C3orf20: variants seen among roughly 807,000 people sequenced by gnomAD.
C3orf20 encodes the protein uncharacterized protein C3orf20.
C3orf20 carries 76 observed loss-of-function variants against 88.3 expected under a neutral mutation model. The ratio of observed to expected loss-of-function variants is 0.86; its 90% confidence interval spans 0.72 to 1.04. C3orf20 has a LOEUF of 1.04. C3orf20 is among the 50% of genes least tolerant of loss of function. The pLI, the probability that C3orf20 is intolerant of heterozygous loss-of-function variation, is 0.00. For missense variants in C3orf20, 1,056 were observed against 1,123.3 expected, an observed-to-expected ratio of 0.94 and a Z score of 0.86; for synonymous variants, 436 against 437.4, an observed-to-expected ratio of 1.00 and a Z score of 0.04.
At chr3:14,714,210 T>C (rs886611972) in intron 8 of C3orf20, 51 bp downstream of exon 8, 11 of 1,595,308 alleles carry the variant, frequency 6.9e-6, no homozygotes, top group Non-Finnish European at 8.5e-6. Context: ...CTGAGGGTGA[T>C]GGAGGGAGGA....
intron 7 of C3orf20, among the ~76,000 whole-genome samples, chr3:14,712,670 A>G (rs1046121868): frequency 6.6e-6 from 1 of 152,188 alleles, no homozygotes; most frequent in Admixed American, 6.5e-5. Flanking sequence ...ATCATATAGG[A>G]AAAAAAGAAA....
At chr3:14,750,779 TCTCTTTGAATTTATCC>T (rs137936936) in intron 12 of C3orf20, among the ~76,000 whole-genome samples, 1,678 of 152,292 alleles carry the variant, frequency 0.011, 21 homozygotes, top group African/African-American at 0.038. Flanking sequence ...TCAATGTAGA[TCTCTTTGAATTTATCC>T]CACTTTGAAT....
rs1470691478 is a variant in C3orf20, at chr3:14,683,079, C to G, written c.366C>G (p.Thr122=). 6.2e-7 allele frequency: 1 copy of G among 1,612,298 alleles called. No individual in the cohort carries two copies. Among genetic ancestry groups the G allele is most frequent in the Non-Finnish European group, 8.5e-7 (1 of 1,179,158 alleles). The part of the protein sequence containing the change: ...GAAKRSTLSP[T]MARQVRTHQE... ...CCAAGCGCTCCACCCTCTCTCCCACCATGGCCCGTCAGGTGCGCACCCACC... is the reference window on the plus strand; with the variant it reads ...CCAAGCGCTCCACCCTCTCTCCCACGATGGCCCGTCAGGTGCGCACCCACC... Residue 122 remains threonine (T), a synonymous_variant, in exon 3 of 17, where the codon ACC becomes ACG. Coordinates refer to ENST00000253697, the MANE Select transcript of C3orf20 (RefSeq NM_032137.5).
At position 14,721,784 on chromosome 3, in the gene C3orf20, G is replaced by A; in HGVS notation, c.1566G>A (p.Arg522=). 1 of 1,614,088 alleles carries A rather than the reference G, an allele frequency of 6.2e-7. No homozygotes were observed. The part of the protein sequence containing the change: ...NCPHGMAYDK[R]LNRRISNMDD... ...CCCATGGAATGGCATATGACAAACG[G>A]GTAAGGCAAGGCAGACTATGCACCC... Residue 522 remains arginine (R), a splice_region_variant and synonymous_variant, in exon 10 of 17, where the codon CGG becomes CGA. Transcript: ENST00000253697.
intron 12 of C3orf20, among the ~76,000 whole-genome samples, chr3:14,755,756 G>A (rs977048984): frequency 1.3e-5 from 2 of 152,124 alleles, no homozygotes; most frequent in Non-Finnish European, 2.9e-5. Flanking sequence ...TGGGCTGGGC[G>A]CGGCGGCTCA....
intron 11 of C3orf20, 26 bp from the exon 12 acceptor site, chr3:14,728,413 A>C: frequency 6.2e-7 from 1 of 1,612,330 alleles, no homozygotes; most frequent in Non-Finnish European, 8.5e-7. Flanking sequence ...TGAAGGGAAA[A>C]TGACAGCAGC....
chr3:14,770,966 G>A (rs1348741414), intron 15 of C3orf20, among the ~76,000 whole-genome samples: 1 of 152,210 alleles, frequency 6.6e-6, no homozygotes, highest in Non-Finnish European at 1.5e-5. Flanking sequence ...GTAAGGAATA[G>A]CCACGTTTGT....
At position 14,772,176 on chromosome 3, in the gene C3orf20, A is replaced by T; in HGVS notation, c.2605A>T (p.Lys869Ter). ...ATTGGCCCTGGAAGACTATGTGGAG[A>T]AGGAGTTATCTCTGGAGGCTGAGAA... ...SSLALEDYVE[K>*]ELSLEAEKTR... The change falls in exon 16 of 17, where the codon AAG becomes TAG. Residue 869 changes from lysine to a stop codon, truncating the protein, a stop_gained. Transcript: ENST00000253697. LOFTEE classifies it low-confidence loss of function (END_TRUNC). The surrounding 1 kb of genome is among the most constrained non-coding windows in gnomAD (Gnocchi z 4.2). 1 of 1,614,220 alleles carries T rather than the reference A, an allele frequency of 6.2e-7. No individual in the cohort carries two copies. The highest frequency in any genetic ancestry group is 8.5e-7 in the Non-Finnish European group (1 of 1,180,028).
At position 14,772,132 on chromosome 3, in the gene C3orf20, T is replaced by C; in HGVS notation, c.2561T>C (p.Ile854Thr). The C allele has an allele frequency of 1.2e-6, 2 of 1,614,182 alleles. No individual in the cohort carries two copies. The highest frequency in any genetic ancestry group is 2.2e-5 in the South Asian group (2 of 91,084). ...GTCAAGAAAGCCGAGTCAGAAGATA[T>C]CCAAGGAAGCAGCTCCTCATTGGCC... Reference protein sequence around the residue: ...ESVKKAESEDIQGSSSSLALE... With the variant: ...ESVKKAESEDTQGSSSSLALE... Residue 854 changes from isoleucine (I) to threonine (T), a missense_variant, in exon 16 of 17, where the codon ATC (isoleucine) becomes ACC (threonine). Ile to Thr is a moderately conservative substitution (Grantham distance 89, BLOSUM62 -1). Coordinates refer to ENST00000253697, the MANE Select transcript of C3orf20 (RefSeq NM_032137.5). The surrounding 1 kb of genome is among the most constrained non-coding windows in gnomAD (Gnocchi z 4.2).
intron 8 of C3orf20, among the ~76,000 whole-genome samples, chr3:14,714,736 C>T (rs2033879691): frequency 6.6e-6 from 1 of 152,158 alleles, no homozygotes; most frequent in South Asian, 2.1e-4. Context: ...CCTGGGTTAG[C>T]TGGGACTACA....
chr3:14,758,004 G>A (rs1199865608), intron 13 of C3orf20, among the ~76,000 whole-genome samples: 3 of 152,174 alleles, frequency 2.0e-5, no homozygotes, highest in African/African-American at 7.2e-5. Context: ...TTTAGAGCAC[G>A]GGCAGTGCTC....
Position 14,759,936 on chromosome 3 carries a change from C to G in C3orf20, c.2290C>G (p.Pro764Ala). 1.2e-6 allele frequency: 2 copies of G among 1,614,136 alleles called. No homozygotes were observed. Among genetic ancestry groups the G allele is most frequent in the East Asian group, 2.2e-5 (1 of 44,888 alleles). Residue 764 changes from proline (P) to alanine (A), a missense_variant, in exon 14 of 17, where the codon CCC (proline) becomes GCC (alanine). Coordinates refer to ENST00000253697, the MANE Select transcript of C3orf20 (RefSeq NM_032137.5). ...YRLLQYDLDS[P>A]LQEDPPLMVK... The stretch of plus-strand genomic sequence containing the variant: ...CCTGCTGCAGTATGACCTGGACAGC[C>G]CCCTGCAGGAGGACCCTCCCCTGAT...
chr3:14,675,757 A>G (rs1324916196), intron 1 of C3orf20, among the ~76,000 whole-genome samples: 1 of 152,008 alleles, frequency 6.6e-6, no homozygotes, highest in Non-Finnish European at 1.5e-5. Context: ...GCTGGAGTGC[A>G]GTGGCTCACT....
chr3:14,761,397 A>T, intron 14 of C3orf20, 76 bp from the exon 15 acceptor site: 7 of 1,568,942 alleles, frequency 4.5e-6, no homozygotes, highest in Non-Finnish European at 5.3e-6. Context: ...TGAAATTCCA[A>T]ACTTGCCTGT....
chr3:14,718,219 T>C (rs963307294), intron 9 of C3orf20, among the ~76,000 whole-genome samples: 4 of 152,234 alleles, frequency 2.6e-5, no homozygotes, highest in South Asian at 4.1e-4. Context: ...CTCTCTTATG[T>C]TGTTGTTATT....
At chr3:14,715,474 C>G (rs1206280669) in intron 9 of C3orf20, 65 bp downstream of exon 9, 2 of 1,562,598 alleles carry the variant, frequency 1.3e-6, no homozygotes, top group Non-Finnish European at 1.7e-6. Flanking sequence ...GTCTGGGCAT[C>G]CTGCCATGCA....
At chr3:14,750,622 A>C (rs997451212) in intron 12 of C3orf20, among the ~76,000 whole-genome samples, 1 of 151,958 alleles carries the variant, frequency 6.6e-6, no homozygotes, top group Admixed American at 6.6e-5. Flanking sequence ...AGCACTTTAA[A>C]TATGTCCGCC....
chr3:14,718,153 A>T (rs1323281969), intron 9 of C3orf20, among the ~76,000 whole-genome samples: 1 of 152,064 alleles, frequency 6.6e-6, no homozygotes, highest in Non-Finnish European at 1.5e-5. Context: ...TTTTCTTCTG[A>T]GACTCCAATT....
chr3:14,757,403 G>A lies in C3orf20; in HGVS notation c.1973G>A (p.Arg658Lys), dbSNP rs1575157919. The change falls in exon 13 of 17, where the codon AGG becomes AAG. Residue 658 changes from arginine (R) to lysine (K), a missense_variant. By Grantham distance (26) the Arg-to-Lys change is conservative. Transcript: ENST00000253697. ...GCCCGCGAGGGGCGCAGCCCCACCA[G>A]GTGGGCGGCCTTGCCCTCAGACTGC... ...GKAREGRSPT[R>K]WAALPSDCPL... The A allele has an allele frequency of 6.2e-7, 1 of 1,611,876 alleles. No individual in the cohort carries two copies. Among genetic ancestry groups the A allele is most frequent in the East Asian group, 2.2e-5 (1 of 44,880 alleles).
Sources: gnomAD v4.1 joint callset for allele counts (sites outside exome capture counted in the v4.1 genomes callset) on GRCh38, gnomAD v4.1.1 for gene constraint, Gnocchi (gnomAD v3.1) non-coding constraint, MANE v1.5 for transcripts, NCBI Gene and HGNC (gene_info 2026-07-23, HGNC 2026-07-21) for gene names.